Variants in SHMT2 observed in about 807,000 individuals in gnomAD.
SHMT2 encodes serine hydroxymethyltransferase, mitochondrial.
A neutral mutation model predicts 59.6 loss-of-function variants in SHMT2; 38 were observed. The ratio of observed to expected loss-of-function variants is 0.64; its 90% confidence interval spans 0.49 to 0.84. The LOEUF (loss-of-function observed/expected upper bound fraction) is 0.84. SHMT2 is among the 40% of genes least tolerant of loss of function. The pLI, the probability that SHMT2 is intolerant of heterozygous loss-of-function variation, is 0.00. For synonymous variants in SHMT2, 254 were observed against 258.1 expected (o/e 0.98, Z 0.15); for missense variants, 533 against 659.5 (o/e 0.81, Z 2.10).
chr12:57,233,554 C>A lies in SHMT2; in HGVS notation c.1024-9C>A. The A allele has an allele frequency of 6.2e-7, 1 of 1,610,612 alleles. No homozygotes were observed. The highest frequency in any genetic ancestry group is 8.5e-7 in the Non-Finnish European group (1 of 1,177,882). On this transcript the variant is annotated splice_polypyrimidine_tract_variant and intron_variant, in intron 8 of 11. Transcript: ENST00000328923. ...CCTAGGGTGACAGCTGCTACTGTCT[C>A]ATCTCCAGGCCTGCACCCCCATGTT...
At chr12:57,230,646 A>C in intron 1 of SHMT2, 157 bp from the exon 2 acceptor site, 1 of 1,457,792 alleles carries the variant, frequency 6.9e-7, no homozygotes, top group Non-Finnish European at 9.1e-7. Flanking sequence ...TTGGCTCCAG[A>C]ACTGGCTTTT....
At chr12:57,231,049 A>G (rs1276899081) in intron 2 of SHMT2, 49 bp downstream of exon 2, 1 of 1,558,816 alleles carries the variant, frequency 6.4e-7, no homozygotes. Context: ...GGGTACAGGA[A>G]GTAACAAAGT....
chr12:57,229,968 C>T (rs376565520), intron 1 of SHMT2, 157 bp downstream of exon 1: 1 of 1,455,866 alleles, frequency 6.9e-7, no homozygotes, highest in Non-Finnish European at 9.1e-7. Context: ...CCCCAAGACC[C>T]CTGGGCGCGC....
chr12:57,230,588 C>T (rs1192676445), intron 1 of SHMT2: 3 of 1,414,326 alleles, frequency 2.1e-6, no homozygotes, highest in Admixed American at 2.9e-5. Flanking sequence ...AGGTGCGGTG[C>T]GGTGAATGGA....
At chr12:57,233,109 A>G in intron 7 of SHMT2, 71 bp from the exon 8 acceptor site, 1 of 1,494,818 alleles carries the variant, frequency 6.7e-7, no homozygotes, top group African/African-American at 1.4e-5. Context: ...CAGGTCCGCC[A>G]GCTTCCTCTG....
At position 57,231,978 on chromosome 12, in the gene SHMT2, T is replaced by C. The variant is rs1215630896; in HGVS notation, c.512+65T>C. On this transcript the variant is annotated intron_variant, in intron 4 of 11. Transcript: ENST00000328923. ...ATTGGTGTGGGAAAGGAGTTATTTA[T>C]TGAATACCTACTGTGGACCATACAG... 14 of 1,493,914 alleles carry C rather than the reference T, an allele frequency of 9.4e-6. No individual in the cohort carries two copies. The East Asian group carries it at 1.2e-4, about 13-fold the overall frequency. 92.5% of individuals were successfully genotyped at this position (1,493,914 alleles called of 1,614,324 possible).
chr12:57,231,905 T>C lies in SHMT2; in HGVS notation c.504T>C (p.Asp168=). The change falls in exon 4 of 12, where the codon GAT becomes GAC. Residue 168 remains aspartate, a synonymous_variant. Coordinates refer to ENST00000328923, the MANE Select transcript of SHMT2 (RefSeq NM_005412.6). ...GGATCATGGGGCTGGACCTGCCCGA[T>C]GGGGGCCAGTGAGTATGGATGGGCT... ...HDRIMGLDLP[D]GGHLTHGYMS... 6.2e-7 allele frequency: 1 copy of C among 1,607,428 alleles called. No individual in the cohort carries two copies. Among genetic ancestry groups the C allele is most frequent in the Non-Finnish European group, 8.5e-7 (1 of 1,176,730 alleles).
rs1254924476 is a variant in SHMT2, at chr12:57,234,379, G to A, written c.*18G>A. 5 of 1,561,894 alleles carry A rather than the reference G, an allele frequency of 3.2e-6. No homozygotes were observed. In the Admixed American group the frequency reaches 5.9e-5, roughly 18 times the overall value. ...AGCATTGAAGGCACCTGGGAAATGAGGCCCACAGACTCAAAGTTACTCTCC... is the reference window on the plus strand; with the variant it reads ...AGCATTGAAGGCACCTGGGAAATGAAGCCCACAGACTCAAAGTTACTCTCC... On this transcript the variant is annotated 3_prime_UTR_variant, in exon 12 of 12. Transcript: ENST00000328923.
At chr12:57,233,707 G>C (rs1298226643) in intron 9 of SHMT2, 42 bp from the exon 10 acceptor site, 5 of 1,612,724 alleles carry the variant, frequency 3.1e-6, no homozygotes, top group Non-Finnish European at 4.2e-6. Context: ...GCTTCAGGCA[G>C]AGGCCCAGGA....
At chr12:57,233,444 G>C in intron 8 of SHMT2, 99 bp downstream of exon 8, 1 of 1,509,638 alleles carries the variant, frequency 6.6e-7, no homozygotes, top group South Asian at 1.3e-5. Context: ...GAAGGGAAAT[G>C]CCAGGATGGA....
intron 7 of SHMT2, 158 bp downstream of exon 7, chr12:57,233,001 T>C: frequency 7.9e-7 from 1 of 1,263,706 alleles, no homozygotes; most frequent in South Asian, 1.5e-5. Flanking sequence ...ATGGTGGCCA[T>C]GCCCTGGCAG....
At position 57,232,461 on chromosome 12, in the gene SHMT2, T is replaced by C. The variant is rs1025511284; in HGVS notation, c.603T>C (p.Thr201=). 8 of 1,614,180 alleles carry C rather than the reference T, an allele frequency of 5.0e-6. No homozygotes were observed. Among genetic ancestry groups the C allele is most frequent in the Non-Finnish European group, 5.9e-6 (7 of 1,180,016 alleles). ...ESMPYKLNPK[T]GLIDYNQLAL... is the part of the protein sequence containing the mutation. ...TTTGTGTGTCTGTCCAGCCCAAAAC[T>C]GGCCTCATTGACTACAACCAGCTGG... The change falls in exon 6 of 12, where the codon ACT becomes ACC. Residue 201 remains threonine (T), a synonymous_variant. Transcript: ENST00000328923.
intron 5 of SHMT2, 43 bp downstream of exon 5, chr12:57,232,335 G>A: frequency 2.5e-6 from 4 of 1,612,936 alleles, no homozygotes; most frequent in Non-Finnish European, 3.4e-6. Context: ...GGCCCTGGTG[G>A]TGGTCCTCCC....
chr12:57,231,389 CCCG>C, intron 2 of SHMT2, 89 bp from the exon 3 acceptor site: 1 of 1,364,526 alleles, frequency 7.3e-7, no homozygotes, highest in Non-Finnish European at 1.0e-6. Flanking sequence ...AGGGAGTACT[CCCG>C]CTTTCAGCTC....
At chr12:57,233,393 G>T in intron 8 of SHMT2, 48 bp downstream of exon 8, 1 of 1,549,064 alleles carries the variant, frequency 6.5e-7, no homozygotes, top group Non-Finnish European at 8.7e-7. Flanking sequence ...TGGCCTGGAG[G>T]CTTAGACCCT....
chr12:57,232,401 T>C, intron 5 of SHMT2, 52 bp from the exon 6 acceptor site: 1 of 1,613,154 alleles, frequency 6.2e-7, no homozygotes. Flanking sequence ...AGGAGGAGAG[T>C]GAGCTGCCCT....
In SHMT2 at chr12:57,233,818, G is replaced by A. The variant is rs543789322; in HGVS notation, c.1193G>A (p.Arg398Gln). The A allele has an allele frequency of 2.2e-5, 36 of 1,614,194 alleles. No individual in the cohort carries two copies. The highest frequency in any genetic ancestry group is 2.8e-5 in the Non-Finnish European group (33 of 1,180,024). Residue 398 changes from arginine (R) to glutamine (Q), a missense_variant, in exon 10 of 12, where the codon CGG (arginine) becomes CAG (glutamine). Arg to Gln is a conservative substitution (Grantham distance 43, BLOSUM62 1). Transcript: ENST00000328923. ...PKGLDGARAE[R>Q]VLELVSITAN... is the part of the protein sequence containing the mutation. Reference sequence around the variant, plus strand: ...GGCCTGGATGGAGCTCGGGCTGAGCGGGTGCTAGAGCTTGTATCCATCACT... The same window carrying A: ...GGCCTGGATGGAGCTCGGGCTGAGCAGGTGCTAGAGCTTGTATCCATCACT...
At position 57,232,594 on chromosome 12, in the gene SHMT2, A is replaced by G; in HGVS notation, c.717+19A>G. On this transcript the variant is annotated intron_variant, in intron 6 of 11. Transcript: ENST00000328923. ...GAGAGAGGTTGGTGGGGGGGGCTGG[A>G]GACTGGGCACCTCCCCAGGGGGTGG... 2 of 1,613,770 alleles carry G rather than the reference A, an allele frequency of 1.2e-6. No homozygotes were observed. Among genetic ancestry groups the G allele is most frequent in the Non-Finnish European group, 8.5e-7 (1 of 1,179,858 alleles).
chr12:57,230,123 C>A, intron 1 of SHMT2: 1 of 1,331,376 alleles, frequency 7.5e-7, no homozygotes, highest in South Asian at 1.5e-5. Flanking sequence ...AGTTTTCGGC[C>A]TGGTCTCACA....
Sources: allele counts gnomAD v4.1 joint callset, GRCh38; gene constraint gnomAD v4.1.1; transcripts MANE v1.5; gene names NCBI Gene and HGNC (gene_info 2026-07-23, HGNC 2026-07-21).